The following OSBPL9 variants were observed in gnomAD, a reference collection of about 807,000 sequenced individuals.
The protein encoded by OSBPL9 is oxysterol-binding protein-related protein 9.
In OSBPL9, 40 loss-of-function variants were observed where a neutral mutation model predicts 106.6. The ratio of observed to expected loss-of-function variants is 0.38; its 90% CI spans 0.29 to 0.49. OSBPL9 has a LOEUF of 0.49. Ranked by LOEUF, OSBPL9 falls within the 20% of genes least tolerant of loss-of-function variation. The pLI is 0.97. For synonymous variants in OSBPL9, 269 were observed against 295.4 expected, an observed-to-expected ratio of 0.91 and a Z score of 0.92; for missense variants, 609 against 887.2, an observed-to-expected ratio of 0.69 and a Z score of 3.98.
chr1:51,786,727 C>A, intron 22 of OSBPL9, 110 bp downstream of exon 22: 1 of 793,078 alleles, frequency 1.3e-6, no homozygotes, highest in Non-Finnish European at 2.0e-6. Flanking sequence ...ATAGTATAGA[C>A]CAAGTTTGAA....
At chr1:51,542,977 T>C in the OSBPL9 span, among the ~76,000 whole-genome samples, 18 of 152,310 alleles carry the variant, frequency 1.2e-4, no homozygotes, top group Non-Finnish European at 2.5e-4. Flanking sequence ...AGATATACAC[T>C]ATCTTTCAGT....
chr1:51,525,568 T>C, the OSBPL9 span, among the ~76,000 whole-genome samples: 2 of 152,320 alleles, frequency 1.3e-5, no homozygotes, highest in Admixed American at 6.5e-5. Context: ...CTTTCTCTCA[T>C]AGCCCAAGTC....
At chr1:51,706,836 G>C (rs1658657010) in intron 3 of OSBPL9, among the ~76,000 whole-genome samples, 1 of 151,770 alleles carries the variant, frequency 6.6e-6, no homozygotes, top group Admixed American at 6.6e-5. Flanking sequence ...CTGACCTATG[G>C]ATTATTTAGA....
intron 1 of OSBPL9, among the ~76,000 whole-genome samples, chr1:51,643,936 T>C (rs889641624): frequency 1.3e-5 from 2 of 151,460 alleles, no homozygotes; most frequent in African/African-American, 4.9e-5. Flanking sequence ...AAAAATTAGC[T>C]GGGTGTGGTG....
chr1:51,776,848 T>C lies in OSBPL9; in HGVS notation c.1186T>C (p.Phe396Leu). 6.2e-7 allele frequency: 1 copy of C among 1,610,736 alleles called. No individual in the cohort carries two copies. The highest frequency in any genetic ancestry group is 8.5e-7 in the Non-Finnish European group (1 of 1,176,996). Residue 396 changes from phenylalanine (F) to leucine (L), a missense_variant, in exon 15 of 24, where the codon TTT becomes CTT. Phe to Leu is a conservative substitution (Grantham distance 22). Coordinates refer to ENST00000428468, the MANE Select transcript of OSBPL9 (RefSeq NM_024586.6). ...MDLTKVVLPT[F>L]ILERRSLLEM... is the part of the protein sequence containing the mutation. Reference sequence around the variant, plus strand: ...TGTTTTTCAGGTAGTTCTTCCAACGTTTATTCTTGAAAGAAGATCTCTTTT... The same window carrying C: ...TGTTTTTCAGGTAGTTCTTCCAACGCTTATTCTTGAAAGAAGATCTCTTTT...
At chr1:51,641,647 A>G (rs1458930500) in intron 1 of OSBPL9, among the ~76,000 whole-genome samples, 3 of 152,160 alleles carry the variant, frequency 2.0e-5, no homozygotes, top group African/African-American at 7.2e-5. Flanking sequence ...GCCAGCAAAA[A>G]GCTGCTTTTG....
At chr1:51,654,030 A>T (rs1646678157) in intron 2 of OSBPL9, among the ~76,000 whole-genome samples, 2 of 151,928 alleles carry the variant, frequency 1.3e-5, no homozygotes, top group Non-Finnish European at 1.5e-5. Context: ...AAAAAAAAAA[A>T]GGAATCCAGA....
intron 2 of OSBPL9, among the ~76,000 whole-genome samples, chr1:51,601,286 A>G (rs1219136966): frequency 6.6e-6 from 1 of 152,228 alleles, no homozygotes; most frequent in Non-Finnish European, 1.5e-5. Flanking sequence ...GGAATTAGAT[A>G]GGAGATTAGA....
intron 4 of OSBPL9, among the ~76,000 whole-genome samples, chr1:51,718,118 A>C (rs1299808545): frequency 6.6e-6 from 1 of 152,220 alleles, no homozygotes; most frequent in Non-Finnish European, 1.5e-5. Context: ...CACAAACTTC[A>C]CATGTTCTCA....
At chr1:51,683,031 C>T (rs1652929617) in intron 3 of OSBPL9, among the ~76,000 whole-genome samples, 1 of 151,874 alleles carries the variant, frequency 6.6e-6, no homozygotes, top group African/African-American at 2.4e-5. Context: ...TGTCTGCCAC[C>T]ATGCCTGGCT....
intron 14 of OSBPL9, among the ~76,000 whole-genome samples, chr1:51,774,810 A>G (rs1177098447): frequency 6.6e-6 from 1 of 152,224 alleles, no homozygotes; most frequent in Non-Finnish European, 1.5e-5. Flanking sequence ...ATAGCACTAC[A>G]AACATTGAAG....
chr1:51,701,229 C>T (rs1449567878), intron 3 of OSBPL9, among the ~76,000 whole-genome samples: 3 of 152,166 alleles, frequency 2.0e-5, no homozygotes, highest in African/African-American at 4.8e-5. Context: ...CGTGAGCCAC[C>T]GCGCCCGGCC....
chr1:51,727,880 A>C (rs1019167218), intron 4 of OSBPL9, among the ~76,000 whole-genome samples: 2 of 152,212 alleles, frequency 1.3e-5, no homozygotes, highest in Non-Finnish European at 2.9e-5. Context: ...GTAAAATTAC[A>C]GCTGTAGTAA....
the OSBPL9 span, chr1:51,519,409 C>G: frequency 2.2e-5 from 5 of 223,158 alleles, no homozygotes; most frequent in East Asian, 3.1e-4. Context: ...CCCGCCTGCC[C>G]GCCCGCCGGA....
At chr1:51,750,958 CAT>C (rs1669099078) in intron 8 of OSBPL9, among the ~76,000 whole-genome samples, 1 of 152,180 alleles carries the variant, frequency 6.6e-6, no homozygotes, top group Non-Finnish European at 1.5e-5. Flanking sequence ...TTTGCCAAAT[CAT>C]AGAGACTTTT....
chr1:51,561,973 T>C, the OSBPL9 span: 3 of 152,210 alleles, frequency 2.0e-5, no homozygotes, highest in African/African-American at 7.2e-5. Flanking sequence ...TTGTCTATTT[T>C]GGGATGAATC....
chr1:51,637,505 G>A (rs1024467700), intron 1 of OSBPL9, among the ~76,000 whole-genome samples: 17 of 152,176 alleles, frequency 1.1e-4, no homozygotes, highest in South Asian at 8.3e-4. Flanking sequence ...TAAATAAAAT[G>A]GGTATGATAA....
chr1:51,764,683 A>G (rs111682449), intron 11 of OSBPL9, among the ~76,000 whole-genome samples: 2,389 of 152,086 alleles, frequency 0.016, 28 homozygotes, highest in South Asian at 0.025. Flanking sequence ...CCTCAGATTA[A>G]GTGATCCTGC....
chr1:51,783,349 ATTTTTTTTTTTTTTTTT>A (rs758238195), intron 17 of OSBPL9, among the ~76,000 whole-genome samples: 2 of 117,792 alleles, frequency 1.7e-5, no homozygotes, highest in South Asian at 5.3e-4. Flanking sequence ...TAATTTTCTT[ATTTTTTTTTTTTTTTTT>A]TTAGAGTCAG....
Sources: allele counts gnomAD v4.1 joint callset (sites outside exome capture counted in the v4.1 genomes callset), GRCh38; gene constraint gnomAD v4.1.1; transcripts MANE v1.5; gene names NCBI Gene and HGNC (gene_info 2026-07-23, HGNC 2026-07-21).